Variants in ARNT2 observed in about 807,000 individuals in gnomAD.
ARNT2 encodes the protein ARNT protein 2.
In ARNT2, 36 loss-of-function variants were observed where a neutral mutation model predicts 91.7. That is an observed-to-expected ratio of 0.39 (90% CI 0.30 to 0.52). The LOEUF (loss-of-function observed/expected upper bound fraction) is 0.52. Ranked by LOEUF, ARNT2 falls within the 20% of genes least tolerant of loss-of-function variation. The probability of loss-of-function intolerance (pLI) is 0.72; values close to 1 mark genes in which losing one functional copy is unlikely to be tolerated. For synonymous variants in ARNT2, 365 were observed against 347.1 expected (o/e 1.05, Z -0.57); for missense variants, 775 against 939.3 (o/e 0.83, Z 2.29).
At chr15:80,554,746 T>C (rs1355811869) in intron 10 of ARNT2, 1 of 219,762 alleles carries the variant, frequency 4.6e-6, no homozygotes, top group African/African-American at 2.2e-5. Flanking sequence ...CTTTTTATGT[T>C]ATTAAAGTAT....
intron 5 of ARNT2, among the ~76,000 whole-genome samples, chr15:80,485,015 A>G (rs1896946721): frequency 2.0e-5 from 3 of 152,244 alleles, no homozygotes; most frequent in Admixed American, 6.5e-5. Context: ...GCAGGCATTC[A>G]ATGACATATG....
At chr15:80,472,191 T>C (rs1896741904) in intron 4 of ARNT2, among the ~76,000 whole-genome samples, 1 of 151,884 alleles carries the variant, frequency 6.6e-6, no homozygotes, top group Admixed American at 6.6e-5. Context: ...GGGTATAGGG[T>C]CCTAAAAGTA....
Position 80,591,793 on chromosome 15 carries a change from C to T in ARNT2, c.2055+89C>T. 4 of 1,566,818 alleles carry T rather than the reference C, an allele frequency of 2.6e-6. No individual in the cohort carries two copies. Among genetic ancestry groups the T allele is most frequent in the Non-Finnish European group, 1.7e-6 (2 of 1,152,962 alleles). Reference sequence around the variant, plus strand: ...TCGGTCTCTGCCGCACCACCGCCTGCCCGATAGCCGTCGTGAGTTCTGGCC... The same window carrying T: ...TCGGTCTCTGCCGCACCACCGCCTGTCCGATAGCCGTCGTGAGTTCTGGCC... On this transcript the variant is annotated intron_variant, in intron 18 of 18. Transcript: ENST00000303329. This position sits in a 1 kb window ranked among gnomAD's most constrained non-coding sequence, Gnocchi z 5.1.
In ARNT2 at chr15:80,441,416, A is replaced by G; in HGVS notation, c.32-9464A>G. 3.1e-6 allele frequency: 3 copies of G among 981,488 alleles called. No individual in the cohort carries two copies. The South Asian group carries it at 1.4e-4, about 46-fold the overall frequency. 60.8% of individuals were successfully genotyped at this position (981,488 alleles called of 1,614,324 possible). ...TATTTGATGTGCTTTCTGTGAAGAG[A>G]ATTGTTCTAAGAGAGATGAATATTG... is the stretch of plus-strand genomic sequence containing the variant. On this transcript the variant is annotated intron_variant, in intron 1 of 18. Coordinates refer to ENST00000303329, the MANE Select transcript of ARNT2 (RefSeq NM_014862.4).
At chr15:80,498,666 G>A (rs1195771943) in intron 5 of ARNT2, among the ~76,000 whole-genome samples, 1 of 152,166 alleles carries the variant, frequency 6.6e-6, no homozygotes, top group Non-Finnish European at 1.5e-5. Flanking sequence ...ATGATCCAAA[G>A]TTCTCTACTA....
chr15:80,439,604 C>G (rs1950681345), intron 1 of ARNT2, among the ~76,000 whole-genome samples: 1 of 152,180 alleles, frequency 6.6e-6, no homozygotes, highest in Non-Finnish European at 1.5e-5. Flanking sequence ...TGGGAGTATT[C>G]CATAAGTTAT....
intron 1 of ARNT2, chr15:80,434,034 G>A (rs1896051701): frequency 6.6e-6 from 1 of 152,248 alleles, no homozygotes; most frequent in Non-Finnish European, 1.5e-5. Context: ...AGGTAGGGCA[G>A]ATAGTTTCTT....
chr15:80,537,436 C>T (rs1466592091), intron 8 of ARNT2, among the ~76,000 whole-genome samples: 1 of 152,060 alleles, frequency 6.6e-6, no homozygotes, highest in Non-Finnish European at 1.5e-5. Flanking sequence ...AAATTTTAAC[C>T]TAATTATTAT....
intron 3 of ARNT2, among the ~76,000 whole-genome samples, chr15:80,464,155 A>G (rs913416036): frequency 6.6e-6 from 1 of 152,110 alleles, no homozygotes; most frequent in Non-Finnish European, 1.5e-5. Context: ...CTCTCCGGGC[A>G]TTCTAGCTCT....
At chr15:80,426,580 C>T (rs139952841) in intron 1 of ARNT2, among the ~76,000 whole-genome samples, 36 of 152,100 alleles carry the variant, frequency 2.4e-4, no homozygotes, top group African/African-American at 8.2e-4. Flanking sequence ...CATGCAAGGC[C>T]GTGATTGTTT....
chr15:80,484,108 A>G (rs896001915), intron 5 of ARNT2, among the ~76,000 whole-genome samples: 23 of 152,154 alleles, frequency 1.5e-4, no homozygotes, highest in Non-Finnish European at 2.9e-4. Flanking sequence ...TCTTTGGACT[A>G]ATGCCAGAAT....
chr15:80,580,219 A>G, intron 15 of ARNT2, 192 bp from the exon 16 acceptor site: 1 of 683,098 alleles, frequency 1.5e-6, no homozygotes, highest in Admixed American at 2.2e-5. Flanking sequence ...AGTGTAGAGG[A>G]AGCCCTGAAG....
rs1382609861 is a variant in ARNT2, at chr15:80,591,091, G to A, written c.1919-477G>A. 3.3e-5 allele frequency among the ~76,000 whole-genome samples: 5 copies of A among 152,228 alleles called. No homozygotes were observed. Among genetic ancestry groups the A allele is most frequent in the Admixed American group, 6.5e-5 (1 of 15,290 alleles). On this transcript the variant is annotated intron_variant, in intron 17 of 18. Transcript: ENST00000303329. This position sits in a 1 kb window ranked among gnomAD's most constrained non-coding sequence, Gnocchi z 5.1. ...GGCTTTTCCTCTAGCAGGGCCAGATGCCTTTCAAGAGCATTCGGTGGACCG... is the reference window on the plus strand; with the variant it reads ...GGCTTTTCCTCTAGCAGGGCCAGATACCTTTCAAGAGCATTCGGTGGACCG...
At chr15:80,480,332 C>T (rs1163119728) in intron 5 of ARNT2, among the ~76,000 whole-genome samples, 1 of 152,104 alleles carries the variant, frequency 6.6e-6, no homozygotes, top group East Asian at 1.9e-4. Context: ...GCAGCAGAAG[C>T]AGCTCAGCAG....
chr15:80,475,515 G>GT, intron 5 of ARNT2: 1 of 259,844 alleles, frequency 3.8e-6, no homozygotes, highest in South Asian at 4.7e-5. Flanking sequence ...AGCCAAGATT[G>GT]TGCCACTACA....
At chr15:80,418,343 GGAA>G (rs1222495394) in intron 1 of ARNT2, among the ~76,000 whole-genome samples, 1 of 152,112 alleles carries the variant, frequency 6.6e-6, no homozygotes, top group Non-Finnish European at 1.5e-5. Context: ...CACTGCCCTG[GGAA>G]GAAGGACAGT....
chr15:80,517,540 C>T (rs968942271), intron 8 of ARNT2, among the ~76,000 whole-genome samples: 1 of 151,792 alleles, frequency 6.6e-6, no homozygotes, highest in Non-Finnish European at 1.5e-5. Context: ...AAAAATATCT[C>T]TTCTGCTCCA....
intron 17 of ARNT2, among the ~76,000 whole-genome samples, chr15:80,590,412 C>A (rs1034479561): frequency 6.6e-6 from 1 of 152,162 alleles, no homozygotes; most frequent in Admixed American, 6.5e-5. Flanking sequence ...CTTACTGGAT[C>A]CTCTTTGGTT....
intron 11 of ARNT2, among the ~76,000 whole-genome samples, chr15:80,558,666 T>G (rs1019070897): frequency 6.6e-6 from 1 of 152,154 alleles, no homozygotes; most frequent in Non-Finnish European, 1.5e-5. Context: ...ATCCTAATCT[T>G]CACCACTGAG....
Sources: gnomAD v4.1 joint callset for allele counts (sites outside exome capture counted in the v4.1 genomes callset) on GRCh38, gnomAD v4.1.1 for gene constraint, Gnocchi (gnomAD v3.1) non-coding constraint, MANE v1.5 for transcripts, NCBI Gene and HGNC (gene_info 2026-07-23, HGNC 2026-07-21) for gene names.